UVRAG: variants seen among roughly 807,000 people sequenced by gnomAD.
UVRAG encodes UV radiation resistance-associated gene protein.
Under a neutral mutation model 78.0 loss-of-function variants are expected in UVRAG, and 19 were observed. The ratio of observed to expected loss-of-function variants is 0.24; its 90% CI spans 0.17 to 0.36. The LOEUF (loss-of-function observed/expected upper bound fraction) is 0.36, where lower values mean the gene tolerates loss of function less well. Ranked by LOEUF, UVRAG falls within the 10% of genes least tolerant of loss-of-function variation. UVRAG has a pLI of 1.00. For missense variants in UVRAG, 740 were observed against 853.8 expected (o/e 0.87, Z 1.66); for synonymous variants, 323 against 324.6 (o/e 1.00, Z 0.05).
chr11:75,844,633 A>AATATTTTT (rs1221764213), intron 1 of UVRAG, among the ~76,000 whole-genome samples: 4 of 152,028 alleles, frequency 2.6e-5, no homozygotes, highest in African/African-American at 7.2e-5. Context: ...TTGTGATACT[A>AATATTTTT]ATATTTTTAT....
At chr11:76,013,003 G>T (rs1052810430) in intron 11 of UVRAG, 1 of 152,124 alleles carries the variant, frequency 6.6e-6, no homozygotes, top group African/African-American at 2.4e-5. Context: ...CATAGATGCT[G>T]TGGCAGTGAT....
chr11:76,118,219 A>G (rs1439636904), intron 14 of UVRAG, among the ~76,000 whole-genome samples: 1 of 152,100 alleles, frequency 6.6e-6, no homozygotes, highest in Non-Finnish European at 1.5e-5. Context: ...AATAGTTAAC[A>G]TTTTCTGGCT....
chr11:75,951,623 C>T (rs936873853), intron 6 of UVRAG, among the ~76,000 whole-genome samples: 2 of 152,168 alleles, frequency 1.3e-5, no homozygotes, highest in African/African-American at 4.8e-5. Context: ...CTCAGGTGAT[C>T]TGCCCACCTC....
intron 6 of UVRAG, among the ~76,000 whole-genome samples, chr11:75,959,431 T>C (rs989831401): frequency 4.6e-5 from 7 of 152,334 alleles, no homozygotes; most frequent in Non-Finnish European, 8.8e-5. Flanking sequence ...CTTCTTTCCT[T>C]AAACCTCATA....
intron 7 of UVRAG, 62 bp from the exon 8 acceptor site, chr11:75,983,325 T>A: frequency 7.1e-7 from 1 of 1,400,510 alleles, no homozygotes; most frequent in Non-Finnish European, 9.6e-7. Flanking sequence ...ATTGTGAGTA[T>A]GTAATTATTC....
At chr11:75,980,661 TC>T (rs1402547938) in intron 7 of UVRAG, among the ~76,000 whole-genome samples, 62 of 152,114 alleles carry the variant, frequency 4.1e-4, no homozygotes, top group African/African-American at 1.4e-3. Flanking sequence ...TTCTCTTTTT[TC>T]CTTGAAGAGT....
chr11:75,932,905 A>G (rs1948275114), intron 6 of UVRAG, among the ~76,000 whole-genome samples: 1 of 152,242 alleles, frequency 6.6e-6, no homozygotes, highest in Admixed American at 6.5e-5. Flanking sequence ...AGAAGAATTA[A>G]TATTGTTGAA....
chr11:76,083,553 C>T (rs1951536053), intron 13 of UVRAG, among the ~76,000 whole-genome samples: 2 of 151,970 alleles, frequency 1.3e-5, no homozygotes, highest in African/African-American at 4.8e-5. Flanking sequence ...TGAAATAAAG[C>T]CTAATTAGAA....
intron 8 of UVRAG, among the ~76,000 whole-genome samples, chr11:76,003,717 C>T (rs186361623): frequency 2.0e-5 from 3 of 152,140 alleles, no homozygotes; most frequent in African/African-American, 7.2e-5. Context: ...ATTTTGATAT[C>T]TTATCAATTG....
intron 3 of UVRAG, chr11:75,878,348 C>G (rs1946855385): frequency 5.7e-6 from 1 of 176,376 alleles, no homozygotes; most frequent in Non-Finnish European, 1.2e-5. Flanking sequence ...GGGATGGCGG[C>G]CGGGCAGAGA....
At chr11:75,981,615 C>T (rs1040556637) in intron 7 of UVRAG, among the ~76,000 whole-genome samples, 1 of 152,070 alleles carries the variant, frequency 6.6e-6, no homozygotes, top group Admixed American at 6.6e-5. Context: ...TTGCCTGGCT[C>T]CATTATTTTT....
At chr11:75,853,760 GTTTATTTA>G (rs112630243) in intron 2 of UVRAG, among the ~76,000 whole-genome samples, 6 of 146,594 alleles carry the variant, frequency 4.1e-5, no homozygotes, top group African/African-American at 7.4e-5. Context: ...TTATTTATTT[GTTTATTTA>G]TTTATTTATT....
intron 14 of UVRAG, among the ~76,000 whole-genome samples, chr11:76,132,198 G>A (rs1245131137): frequency 6.6e-6 from 1 of 152,194 alleles, no homozygotes; most frequent in Non-Finnish European, 1.5e-5. Flanking sequence ...ATTTCTGGTG[G>A]CCGTAAACCA....
chr11:76,097,253 C>T (rs1163196793), intron 13 of UVRAG, among the ~76,000 whole-genome samples: 1 of 152,154 alleles, frequency 6.6e-6, no homozygotes, highest in Non-Finnish European at 1.5e-5. Flanking sequence ...CAGAACCTTG[C>T]TTAAAATTTT....
At position 75,961,536 on chromosome 11, in the gene UVRAG, C is replaced by T; in HGVS notation, c.686C>T (p.Thr229Ile). 6.2e-7 allele frequency: 1 copy of T among 1,602,344 alleles called. No homozygotes were observed. Among genetic ancestry groups the T allele is most frequent in the Non-Finnish European group, 8.5e-7 (1 of 1,177,046 alleles). The change falls in exon 7 of 15, where the codon ACA (threonine) becomes ATA (isoleucine). Residue 229 changes from threonine (T) to isoleucine (I), a missense_variant. Coordinates refer to ENST00000356136, the MANE Select transcript of UVRAG (RefSeq NM_003369.4). ...GAAGAAAAACTAAGACTCACATCTACAAGCAATGAACTGGTAGGTTTTTAT... is the reference window on the plus strand; with the variant it reads ...GAAGAAAAACTAAGACTCACATCTATAAGCAATGAACTGGTAGGTTTTTAT... ...EIEEKLRLTS[T>I]SNELKKKSEC...
At chr11:75,849,892 G>A (rs906263214) in intron 1 of UVRAG, among the ~76,000 whole-genome samples, 1 of 152,260 alleles carries the variant, frequency 6.6e-6, no homozygotes, top group African/African-American at 2.4e-5. Context: ...GTGAAGCAAT[G>A]AAAGCAGAGA....
chr11:75,880,170 T>A (rs944390996), intron 4 of UVRAG, 130 bp downstream of exon 4: 6 of 1,004,546 alleles, frequency 6.0e-6, no homozygotes, highest in Non-Finnish European at 8.7e-6. Context: ...CTTATATCAC[T>A]AAGAGAGACC....
At chr11:76,039,745 G>A (rs1950607268) in intron 12 of UVRAG, among the ~76,000 whole-genome samples, 3 of 152,028 alleles carry the variant, frequency 2.0e-5, no homozygotes, top group African/African-American at 4.8e-5. Context: ...TGTGGGGGTG[G>A]GCACCTGTAG....
Position 75,857,787 on chromosome 11 carries a change from C to CT in UVRAG, c.236-3946dup, listed in dbSNP as rs112109313. Among the ~76,000 whole-genome samples, 346 of 142,818 alleles carry CT rather than the reference C, an allele frequency of 2.4e-3. 1 individual carries two copies. The highest frequency in any genetic ancestry group is 5.9e-3 in the African/African-American group (232 of 39,266). 93.7% of individuals were successfully genotyped at this position (142,818 alleles called of 152,430 possible). ...ACAGGCCTGAGCCACTGTACTCAGC[C>CT]TTTTTTTTTTTTTCCTTTCAATTCT... On this transcript the variant is annotated intron_variant, in intron 2 of 14. Transcript: ENST00000356136.
Sources: allele counts gnomAD v4.1 joint callset (sites outside exome capture counted in the v4.1 genomes callset), GRCh38; gene constraint gnomAD v4.1.1; transcripts MANE v1.5; gene names NCBI Gene and HGNC (gene_info 2026-07-23, HGNC 2026-07-21).